LRP1B: variants seen among roughly 807,000 people sequenced by gnomAD.
LRP1B encodes the protein low-density lipoprotein receptor-related protein 1B.
A neutral mutation model predicts 556.6 loss-of-function variants in LRP1B; 217 were observed. That is an observed-to-expected ratio of 0.39 (90% confidence interval 0.35 to 0.44). The LOEUF is 0.44. LRP1B is among the 20% of genes least tolerant of loss of function. LRP1B has a pLI of 1.00. For missense variants in LRP1B, 5,053 were observed against 5,620.8 expected, an observed-to-expected ratio of 0.90 and a Z score of 3.23; for synonymous variants, 2,047 against 1,865.8, an observed-to-expected ratio of 1.10 and a Z score of -2.50.
intron 1 of LRP1B, among the ~76,000 whole-genome samples, chr2:142,111,027 AG>A (rs1282511737): frequency 2.6e-5 from 4 of 152,160 alleles, no homozygotes; most frequent in Non-Finnish European, 5.9e-5. Context: ...TTTTATATGT[AG>A]TTCCTTTGTG....
At chr2:140,323,293 A>AGTCT (rs1680256476) in intron 81 of LRP1B, among the ~76,000 whole-genome samples, 5 of 152,038 alleles carry the variant, frequency 3.3e-5, no homozygotes, top group African/African-American at 1.2e-4. Flanking sequence ...TCAATGACTT[A>AGTCT]CCCACTCCTT....
chr2:141,862,488 C>T (rs1446536952), intron 1 of LRP1B, among the ~76,000 whole-genome samples: 7 of 152,190 alleles, frequency 4.6e-5, no homozygotes, highest in African/African-American at 1.7e-4. Context: ...CGGCTCACGG[C>T]AACCTCCGCC....
chr2:141,393,442 G>T (rs1315523918), intron 3 of LRP1B, among the ~76,000 whole-genome samples: 1 of 152,062 alleles, frequency 6.6e-6, no homozygotes. Flanking sequence ...GGCCCAATTA[G>T]CATTTCTGCC....
intron 82 of LRP1B, 108 bp downstream of exon 82, chr2:140,321,855 A>C (rs1394535967): frequency 9.3e-7 from 1 of 1,071,578 alleles, no homozygotes; most frequent in Non-Finnish European, 1.4e-6. Flanking sequence ...ACTGCTATCA[A>C]GGTAGCTAAA....
intron 2 of LRP1B, among the ~76,000 whole-genome samples, chr2:141,659,232 G>T (rs79218535): frequency 7.2e-5 from 11 of 152,016 alleles, no homozygotes; most frequent in Admixed American, 5.9e-4. Flanking sequence ...AGCAGGCATC[G>T]GCAAAATTTT....
At chr2:141,267,008 C>T (rs183454555) in intron 3 of LRP1B, among the ~76,000 whole-genome samples, 373 of 152,248 alleles carry the variant, frequency 2.4e-3, no homozygotes, top group Middle Eastern at 0.014. Flanking sequence ...GTTCTCTTTT[C>T]AGACTAATTA....
intron 1 of LRP1B, among the ~76,000 whole-genome samples, chr2:141,950,701 C>T (rs1198619229): frequency 6.6e-6 from 1 of 151,954 alleles, no homozygotes; most frequent in Non-Finnish European, 1.5e-5. Context: ...CTTTGAATAA[C>T]CTTGTCTTCT....
chr2:141,662,625 G>A (rs555215358), intron 2 of LRP1B, among the ~76,000 whole-genome samples: 45 of 151,990 alleles, frequency 3.0e-4, no homozygotes, highest in Non-Finnish European at 5.6e-4. Context: ...AACAGGAAGA[G>A]CTAACTATCC....
At chr2:140,648,187 G>T (rs1253914981) in intron 41 of LRP1B, among the ~76,000 whole-genome samples, 2 of 152,094 alleles carry the variant, frequency 1.3e-5, no homozygotes, top group Non-Finnish European at 2.9e-5. Context: ...ACTATTGCAA[G>T]GACAGAAAAC....
At chr2:140,990,915 A>T (rs1266456324) in intron 16 of LRP1B, among the ~76,000 whole-genome samples, 1 of 152,260 alleles carries the variant, frequency 6.6e-6, no homozygotes, top group East Asian at 1.9e-4. Flanking sequence ...TTGTTTTATC[A>T]TGCTTGTTGA....
At chr2:141,216,390 T>C (rs1223734302) in intron 6 of LRP1B, among the ~76,000 whole-genome samples, 2 of 152,226 alleles carry the variant, frequency 1.3e-5, no homozygotes, top group African/African-American at 4.8e-5. Flanking sequence ...TGGTTGCCCA[T>C]GCAGAAGCCT....
At chr2:142,018,750 G>A (rs1207226329) in intron 1 of LRP1B, among the ~76,000 whole-genome samples, 1 of 150,084 alleles carries the variant, frequency 6.7e-6, no homozygotes, top group Non-Finnish European at 1.5e-5. Context: ...TGCTGAATTA[G>A]TATTTATATC....
At chr2:142,058,232 G>T (rs1704752503) in intron 1 of LRP1B, among the ~76,000 whole-genome samples, 1 of 152,096 alleles carries the variant, frequency 6.6e-6, no homozygotes, top group African/African-American at 2.4e-5. Flanking sequence ...ATGAAGACAA[G>T]ATTTGTTAAT....
intron 6 of LRP1B, among the ~76,000 whole-genome samples, chr2:141,204,487 G>T (rs1682184287): frequency 6.6e-6 from 1 of 152,094 alleles, no homozygotes; most frequent in Admixed American, 6.6e-5. Context: ...CCTAGGACTA[G>T]TCCAAATAGA....
At chr2:140,910,933 T>C (rs1260879557) in intron 21 of LRP1B, among the ~76,000 whole-genome samples, 2 of 151,816 alleles carry the variant, frequency 1.3e-5, no homozygotes, top group African/African-American at 4.8e-5. Context: ...GAAAATGTTT[T>C]CATAAATATC....
intron 3 of LRP1B, among the ~76,000 whole-genome samples, chr2:141,409,987 A>G (rs1175208533): frequency 6.6e-6 from 1 of 152,080 alleles, no homozygotes; most frequent in African/African-American, 2.4e-5. Flanking sequence ...AGTTATGTAG[A>G]AAAAGAAAAG....
intron 60 of LRP1B, among the ~76,000 whole-genome samples, chr2:140,474,783 G>T (rs1443171686): frequency 1.3e-5 from 2 of 151,812 alleles, no homozygotes; most frequent in Non-Finnish European, 2.9e-5. Flanking sequence ...TAAGAAAATT[G>T]AAATCCTAGC....
chr2:141,679,742 C>G (rs1343517399), intron 2 of LRP1B, among the ~76,000 whole-genome samples: 2 of 151,922 alleles, frequency 1.3e-5, no homozygotes, highest in Non-Finnish European at 2.9e-5. Flanking sequence ...TGTTTTAGAA[C>G]ACTAATGGTA....
At chr2:141,405,179 C>T (rs923160695) in intron 3 of LRP1B, among the ~76,000 whole-genome samples, 2 of 152,026 alleles carry the variant, frequency 1.3e-5, no homozygotes, top group Non-Finnish European at 2.9e-5. Context: ...TATTATAAAG[C>T]CATATTTATT....
Sources: gnomAD v4.1 joint callset for allele counts (sites outside exome capture counted in the v4.1 genomes callset) on GRCh38, gnomAD v4.1.1 for gene constraint, MANE v1.5 for transcripts, NCBI Gene and HGNC (gene_info 2026-07-23, HGNC 2026-07-21) for gene names.